PTPN13: variants seen among roughly 807,000 people sequenced by gnomAD.
PTPN13 encodes tyrosine-protein phosphatase non-receptor type 13.
A neutral mutation model predicts 284.0 loss-of-function variants in PTPN13; 191 were observed. That is an observed-to-expected ratio of 0.67 (90% CI 0.60 to 0.76). The LOEUF (loss-of-function observed/expected upper bound fraction) is 0.76. Ranked by LOEUF, PTPN13 falls within the 30% of genes least tolerant of loss-of-function variation. PTPN13 has a pLI of 0.00. For synonymous variants in PTPN13, 986 were observed against 1,022.3 expected (o/e 0.96, Z 0.68); for missense variants, 2,797 against 2,939.9 (o/e 0.95, Z 1.12).
chr4:86,702,630 T>A (rs1731287125), intron 7 of PTPN13, among the ~76,000 whole-genome samples: 1 of 152,166 alleles, frequency 6.6e-6, no homozygotes, highest in Admixed American at 6.6e-5. Flanking sequence ...AAACTCAATA[T>A]GTTGATTGGA....
chr4:86,772,971 C>T lies in PTPN13; in HGVS notation c.5349+13C>T, dbSNP rs1425631944. ...AGACTTTGAACTGGTAAGTTGTTTT[C>T]TCTATATTTAAAAAAAAATCCATAT... On this transcript the variant is annotated intron_variant, in intron 32 of 47. Transcript: ENST00000411767. The T allele has an allele frequency of 3.3e-6, 5 of 1,503,866 alleles. No homozygotes were observed. In the African/African-American group the frequency reaches 5.7e-5, roughly 17 times the overall value. The allele number at this position is 1,503,866 out of a possible 1,614,324, so 93.2% of individuals were successfully genotyped here.
At chr4:86,693,492 A>G in intron 5 of PTPN13, 95 bp from the exon 6 acceptor site, 1 of 679,462 alleles carries the variant, frequency 1.5e-6, no homozygotes, top group East Asian at 2.8e-5. Flanking sequence ...ACATCCTCCA[A>G]AAACTGTGTA....
chr4:86,747,041 C>A (rs1186091971), intron 17 of PTPN13, among the ~76,000 whole-genome samples: 3 of 152,212 alleles, frequency 2.0e-5, no homozygotes, highest in African/African-American at 7.2e-5. Context: ...CATCAGCATT[C>A]TTACTTTGAC....
chr4:86,732,403 T>A lies in PTPN13; in HGVS notation c.1612T>A (p.Phe538Ile), dbSNP rs761271635. ...TAMTQRKLRN[F>I]FGPEFVKMTI... ...ATTCTGCTTATGTGATTTGCAGAAT[T>A]TCTTTGGCCCTGAGTTTGTGAAAAT... The change falls in exon 11 of 48, where the codon TTC becomes ATC. Residue 538 changes from phenylalanine (F) to isoleucine (I), a missense_variant. Transcript: ENST00000411767. 1 of 1,590,150 alleles carries A rather than the reference T, an allele frequency of 6.3e-7. No individual in the cohort carries two copies.
intron 2 of PTPN13, among the ~76,000 whole-genome samples, chr4:86,638,768 G>A (rs1468595407): frequency 2.0e-5 from 3 of 152,016 alleles, no homozygotes; most frequent in Admixed American, 1.3e-4. Context: ...ACATAGGCAT[G>A]GGCAAGGACT....
chr4:86,729,657 A>G (rs150190892), intron 10 of PTPN13, among the ~76,000 whole-genome samples: 4,895 of 149,684 alleles, frequency 0.033, 425 homozygotes, highest in African/African-American at 0.11. Flanking sequence ...TGCATGTGTC[A>G]CAAAGTTCTT....
Position 86,814,829 on chromosome 4 carries a change from T to G in PTPN13, c.*278T>G, listed in dbSNP as rs1333642436. ...GGCAGCATTTGATGATAGCAGACAT[T>G]GTTACAAGGACATGGTGAGTCTATT... On this transcript the variant is annotated 3_prime_UTR_variant, in exon 48 of 48. Transcript: ENST00000411767. 3.5e-6 allele frequency: 1 copy of G among 287,226 alleles called. No individual in the cohort carries two copies. The allele number at this position is 287,226 out of a possible 1,614,324, so 17.8% of individuals were successfully genotyped here. A position where few individuals can be genotyped will look rare whatever the true frequency, so the allele number is the denominator to read the frequency against.
chr4:86,719,850 G>A (rs112221647), intron 9 of PTPN13, among the ~76,000 whole-genome samples: 12,452 of 152,116 alleles, frequency 0.082, 648 homozygotes, highest in Non-Finnish European at 0.11. Flanking sequence ...TAAGTTCCCT[G>A]TAGATGCTGG....
In PTPN13 at chr4:86,814,641, G is replaced by T. The variant is rs146369916; in HGVS notation, c.*90G>T. The T allele has an allele frequency of 1.9e-6, 2 of 1,027,294 alleles. No homozygotes were observed. The highest frequency in any genetic ancestry group is 2.2e-5 in the Admixed American group (1 of 45,530). The allele number at this position is 1,027,294 out of a possible 1,614,324, so 63.6% of individuals were successfully genotyped here. On this transcript the variant is annotated 3_prime_UTR_variant, in exon 48 of 48. Coordinates refer to ENST00000411767, the MANE Select transcript of PTPN13 (RefSeq NM_080683.3). Reference sequence around the variant, plus strand: ...TATCCAAAATAAAGATCACAGAGCAGCAAGTTCATACAACATGCATGTTCT... The same window carrying T: ...TATCCAAAATAAAGATCACAGAGCATCAAGTTCATACAACATGCATGTTCT...
chr4:86,811,406 A>G (rs1282367669), intron 47 of PTPN13, among the ~76,000 whole-genome samples: 1 of 152,232 alleles, frequency 6.6e-6, no homozygotes, highest in Non-Finnish European at 1.5e-5. Context: ...ACAAAATACT[A>G]TGTAATTAAT....
rs539012277 is a variant in PTPN13 at position 86,725,390 on chromosome 4, C to T, written c.1608+2956C>T. ...TAGTTCTAGATTCTTGAGTAATCGC[C>T]ACACTGTCTTCCACAAAGGTTGAAC... On this transcript the variant is annotated intron_variant, in intron 10 of 47. Coordinates refer to ENST00000411767, the MANE Select transcript of PTPN13 (RefSeq NM_080683.3). 2.5e-4 allele frequency among the ~76,000 whole-genome samples: 38 copies of T among 149,396 alleles called. 3 individuals carry two copies. Among genetic ancestry groups the T allele is most frequent in the African/African-American group, 9.3e-4 (38 of 41,034 alleles).
intron 1 of PTPN13, chr4:86,595,845 TGGGG>T: frequency 1.5e-6 from 1 of 689,060 alleles, no homozygotes; most frequent in Non-Finnish European, 1.8e-6. Context: ...TACTAAAGGA[TGGGG>T]GGGGGAGTAA....
At chr4:86,628,518 A>G (rs1368050507) in intron 1 of PTPN13, among the ~76,000 whole-genome samples, 1 of 98,328 alleles carries the variant, frequency 1.0e-5, no homozygotes, top group Middle Eastern at 5.4e-3. Flanking sequence ...TTTTTTTATT[A>G]TACTCTAAGT....
chr4:86,767,198 G>A (rs1441964459), intron 27 of PTPN13, among the ~76,000 whole-genome samples: 1 of 150,346 alleles, frequency 6.7e-6, no homozygotes, highest in Non-Finnish European at 1.5e-5. Context: ...CTACCAAAGT[G>A]CTGGGACTAC....
Position 86,774,475 on chromosome 4 carries a change from A to G in PTPN13, c.5452A>G (p.Ile1818Val), listed in dbSNP as rs1395637550. The G allele has an allele frequency of 3.7e-6, 6 of 1,605,844 alleles. No homozygotes were observed. Among genetic ancestry groups the G allele is most frequent in the South Asian group, 1.1e-5 (1 of 89,100 alleles). Residue 1818 changes from isoleucine to valine, a missense_variant, in exon 33 of 48, where the codon ATA (isoleucine) becomes GTA (valine). Ile to Val is a conservative substitution (Grantham distance 29). Transcript: ENST00000411767. ...QRIGCYVHDVIQDPAKSDGRL... is the reference protein window; with the variant it reads ...QRIGCYVHDVVQDPAKSDGRL... ...AATTGGTTGTTATGTTCATGATGTC[A>G]TACAGGATCCAGCCAAAAGTGATGG...
rs1578673720 is a variant in PTPN13, at chr4:86,788,098, T to G, written c.6345+2162T>G. Among the ~76,000 whole-genome samples, 3 of 152,262 alleles carry G rather than the reference T, an allele frequency of 2.0e-5. No individual in the cohort carries two copies. The East Asian group carries it at 5.8e-4, about 29-fold the overall frequency. ...AAGCAAAGAAAATGAGGGAACAAAT[T>G]TAGGAAAGGAGTAACAGGGATCTTA... On this transcript the variant is annotated intron_variant, in intron 40 of 47. Coordinates refer to ENST00000411767, the MANE Select transcript of PTPN13 (RefSeq NM_080683.3).
intron 1 of PTPN13, among the ~76,000 whole-genome samples, chr4:86,617,759 C>A (rs1720732777): frequency 6.6e-6 from 1 of 152,154 alleles, no homozygotes; most frequent in South Asian, 2.1e-4. Context: ...ATATCCTTCA[C>A]CCACTTTTTG....
chr4:86,759,874 T>C lies in PTPN13; in HGVS notation c.3553+801T>C, dbSNP rs551381506. On this transcript the variant is annotated intron_variant, in intron 23 of 47. Transcript: ENST00000411767. Reference sequence around the variant, plus strand: ...TTTAAATGTGAATTTTAGCTGTCATTAATATTGTTTTTCAAAAACATTGAA... The same window carrying C: ...TTTAAATGTGAATTTTAGCTGTCATCAATATTGTTTTTCAAAAACATTGAA... Among the ~76,000 whole-genome samples, 3 of 152,318 alleles carry C rather than the reference T, an allele frequency of 2.0e-5. No homozygotes were observed. In the South Asian group the frequency reaches 6.2e-4, roughly 32 times the overall value.
Position 86,750,558 on chromosome 4 carries a change from C to A in PTPN13, c.2739C>A (p.Ala913=). 6.2e-7 allele frequency: 1 copy of A among 1,613,940 alleles called. No individual in the cohort carries two copies. Among genetic ancestry groups the A allele is most frequent in the South Asian group, 1.1e-5 (1 of 91,080 alleles). Residue 913 remains alanine (A), a synonymous_variant, in exon 18 of 48, where the codon GCC becomes GCA. Coordinates refer to ENST00000411767, the MANE Select transcript of PTPN13 (RefSeq NM_080683.3). ...MGRAISTGSL[A]SSTLNKLAVR... ...GAGCAATCAGCACTGGCAGTCTGGCCAGCAGCACCCTCAACAAACTTGCTG... is the reference window on the plus strand; with the variant it reads ...GAGCAATCAGCACTGGCAGTCTGGCAAGCAGCACCCTCAACAAACTTGCTG...
Sources: gnomAD v4.1 joint callset for allele counts (sites outside exome capture counted in the v4.1 genomes callset) on GRCh38, gnomAD v4.1.1 for gene constraint, MANE v1.5 for transcripts, NCBI Gene and HGNC (gene_info 2026-07-23, HGNC 2026-07-21) for gene names.